A4GALT: variants seen among roughly 807,000 people sequenced by gnomAD.
The protein encoded by A4GALT is alpha 1,4-galactosyltransferase (P1PK blood group).
For missense variants in A4GALT, 512 were observed against 486.0 expected (o/e 1.05, Z -0.50); for synonymous variants, 257 against 220.7 (o/e 1.16, Z -1.46).
At chr22:42,716,145 T>G (rs1222261982) in intron 1 of A4GALT, among the ~76,000 whole-genome samples, 1 of 152,048 alleles carries the variant, frequency 6.6e-6, no homozygotes, top group Non-Finnish European at 1.5e-5. Context: ...GAAATATAAT[T>G]TAAATCTTCA....
At chr22:42,710,342 A>G (rs904778397) in intron 1 of A4GALT, among the ~76,000 whole-genome samples, 1 of 152,182 alleles carries the variant, frequency 6.6e-6, no homozygotes, top group African/African-American at 2.4e-5. Context: ...GGGAAAAGAG[A>G]AGACCCCGCT....
In A4GALT at chr22:42,715,193, A is replaced by T. The variant is rs925233952; in HGVS notation, c.-188+5604T>A. Among the ~76,000 whole-genome samples, 2 of 152,126 alleles carry T rather than the reference A, an allele frequency of 1.3e-5. 1 individual carries two copies. Among genetic ancestry groups the T allele is most frequent in the South Asian group, 4.1e-4 (2 of 4,820 alleles). The stretch of plus-strand genomic sequence containing the variant: ...CGTCTTAGAGATCTAAGAGAGCAAT[A>T]CAGCTTCATACCATAAATTCCAAGG... On this transcript the variant is annotated intron_variant, in intron 1 of 2. Coordinates refer to ENST00000642412, the MANE Select transcript of A4GALT (RefSeq NM_017436.7).
intron 1 of A4GALT, among the ~76,000 whole-genome samples, chr22:42,711,331 G>A (rs1921674251): frequency 6.6e-6 from 1 of 152,140 alleles, no homozygotes; most frequent in Non-Finnish European, 1.5e-5. Context: ...TGAGCAAACA[G>A]GCATGCTCAT....
In A4GALT at chr22:42,704,276, T is replaced by C. The variant is rs371376990; in HGVS notation, c.-187-8645A>G. Among the ~76,000 whole-genome samples the C allele has an allele frequency of 1.9e-4, 29 of 151,198 alleles. 1 individual carries two copies. In the South Asian group the frequency reaches 5.1e-3, roughly 26 times the overall value. On this transcript the variant is annotated intron_variant, in intron 1 of 2. Transcript: ENST00000642412. Reference sequence around the variant, plus strand: ...GGTGGGCAAATCATGAGGTCAGGAGTTCAAGACTAGCCTGCCCAATATGGT... The same window carrying C: ...GGTGGGCAAATCATGAGGTCAGGAGCTCAAGACTAGCCTGCCCAATATGGT...
At chr22:42,696,004 T>G (rs1366052558) in intron 1 of A4GALT, among the ~76,000 whole-genome samples, 1 of 150,746 alleles carries the variant, frequency 6.6e-6, no homozygotes, top group African/African-American at 2.5e-5. Flanking sequence ...GCGCCTGTAA[T>G]CCCAGCTACT....
rs747803491 is a variant in A4GALT at position 42,693,093 on chromosome 22, TG to T, written c.858del (p.Ile287SerfsTer63). 6.2e-7 allele frequency: 1 copy of T among 1,612,716 alleles called. No individual in the cohort carries two copies. Among genetic ancestry groups the T allele is most frequent in the Non-Finnish European group, 8.5e-7 (1 of 1,179,640 alleles). ...VTTLPPEAFY[P>X]IPWQDWKKYF... The stretch of plus-strand genomic sequence containing the variant: ...TACTTCTTCCAGTCCTGCCAGGGGA[TG>T]GGGTAGAAGGCCTCAGGGGGCAGGG... On this transcript the variant is annotated frameshift_variant, in exon 3 of 3. Coordinates refer to ENST00000642412, the MANE Select transcript of A4GALT (RefSeq NM_017436.7). LOFTEE classifies it high-confidence loss of function.
chr22:42,713,838 A>G (rs2147037714), intron 1 of A4GALT, among the ~76,000 whole-genome samples: 1 of 149,472 alleles, frequency 6.7e-6, no homozygotes, highest in African/African-American at 2.5e-5. Context: ...AAAGACAGAC[A>G]GACAGACAGA....
At chr22:42,711,024 C>CAAAAAA (rs34155225) in intron 1 of A4GALT, among the ~76,000 whole-genome samples, 1 of 141,758 alleles carries the variant, frequency 7.1e-6, no homozygotes. Context: ...GACTCTGTCT[C>CAAAAAA]AAAAAAAAAA....
At chr22:42,713,778 C>T (rs1921898863) in intron 1 of A4GALT, among the ~76,000 whole-genome samples, 2 of 146,906 alleles carry the variant, frequency 1.4e-5, no homozygotes, top group Non-Finnish European at 3.0e-5. Flanking sequence ...TGCCATTGCA[C>T]TCCAGCCTGG....
chr22:42,706,808 T>A (rs1453933952), intron 1 of A4GALT, among the ~76,000 whole-genome samples: 2 of 147,560 alleles, frequency 1.4e-5, no homozygotes, highest in Admixed American at 6.8e-5. Flanking sequence ...AAAAAAAAAA[T>A]TAAAAAAAGA....
At position 42,693,225 on chromosome 22, in the gene A4GALT, C is replaced by G. The variant is rs1448335487; in HGVS notation, c.727G>C (p.Gly243Arg). Residue 243 changes from glycine to arginine, a missense_variant, in exon 3 of 3, where the codon GGC becomes CGC. By Grantham distance (125) the Gly-to-Arg change is moderately radical (BLOSUM62 -2). Coordinates refer to ENST00000642412, the MANE Select transcript of A4GALT (RefSeq NM_017436.7). ...CMRDFVDHYN[G>R]WIWGHQGPQL... ...GGGCCCTGGTGACCCCAGATCCAGC[C>G]GTTGTAGTGGTCCACGAAGTCCCGC... 3 of 1,608,456 alleles carry G rather than the reference C, an allele frequency of 1.9e-6. No homozygotes were observed. Among genetic ancestry groups the G allele is most frequent in the Non-Finnish European group, 2.5e-6 (3 of 1,178,180 alleles).
chr22:42,707,421 C>A (rs1470918073), intron 1 of A4GALT, among the ~76,000 whole-genome samples: 3 of 151,484 alleles, frequency 2.0e-5, no homozygotes, highest in African/African-American at 7.3e-5. Context: ...TTTGAGAGGC[C>A]GAGGCAGTCG....
Position 42,706,121 on chromosome 22 carries a change from C to A in A4GALT, c.-187-10490G>T, listed in dbSNP as rs1213581436. 1.9e-5 allele frequency among the ~76,000 whole-genome samples: 2 copies of A among 105,008 alleles called. 1 individual carries two copies. The highest frequency in any genetic ancestry group is 4.4e-5 in the Non-Finnish European group (2 of 45,042). The allele number at this position is 105,008 out of a possible 152,430, so 68.9% of individuals were successfully genotyped here. The stretch of plus-strand genomic sequence containing the variant: ...CTGTAATCTCAGCACTTTGGGAGGC[C>A]AAGGCGGGCGGATCACGAGGTCAGG... On this transcript the variant is annotated intron_variant, in intron 1 of 2. Transcript: ENST00000642412.
intron 1 of A4GALT, among the ~76,000 whole-genome samples, chr22:42,705,071 T>A (rs1486418128): frequency 6.6e-6 from 1 of 152,122 alleles, no homozygotes; most frequent in Non-Finnish European, 1.5e-5. Flanking sequence ...AGAAAGGCCA[T>A]ACTTTAAAAA....
At chr22:42,720,094 G>C (rs1405111148) in intron 1 of A4GALT, among the ~76,000 whole-genome samples, 1 of 152,192 alleles carries the variant, frequency 6.6e-6, no homozygotes, top group Non-Finnish European at 1.5e-5. Context: ...CCCAAGCCCA[G>C]TTCCGCTCCC....
In A4GALT at chr22:42,693,141, G is replaced by T. The variant is rs745485742; in HGVS notation, c.811C>A (p.Arg271Ser). The change falls in exon 3 of 3, where the codon CGC becomes AGC. Residue 271 changes from arginine to serine, a missense_variant. Arg to Ser is a moderately radical substitution (Grantham distance 110, BLOSUM62 -1). Transcript: ENST00000642412. ...WCSIRSLAES[R>S]ACRGVTTLPP... The stretch of plus-strand genomic sequence containing the variant: ...AGGGTGGTGACGCCGCGGCAGGCGC[G>T]GCTCTCGGCCAGGCTGCGGATGGAA... The T allele has an allele frequency of 1.9e-6, 3 of 1,603,070 alleles. No individual in the cohort carries two copies. In the Admixed American group the frequency reaches 5.2e-5, roughly 28 times the overall value.
Position 42,706,172 on chromosome 22 carries a change from G to C in A4GALT, c.-187-10541C>G, listed in dbSNP as rs371795011. Reference sequence around the variant, plus strand: ...AGATCGAGACCATCCTGGCTAACACGGTGAAACCCCGTCTCTACTAAAAAT... The same window carrying C: ...AGATCGAGACCATCCTGGCTAACACCGTGAAACCCCGTCTCTACTAAAAAT... On this transcript the variant is annotated intron_variant, in intron 1 of 2. Coordinates refer to ENST00000642412, the MANE Select transcript of A4GALT (RefSeq NM_017436.7). Among the ~76,000 whole-genome samples the C allele has an allele frequency of 2.6e-4, 33 of 129,092 alleles. 8 individuals are homozygous for C. Among genetic ancestry groups the C allele is most frequent in the East Asian group, 4.3e-4 (2 of 4,626 alleles). The allele number at this position is 129,092 out of a possible 152,430, so 84.7% of individuals were successfully genotyped here. A position where few individuals can be genotyped will look rare whatever the true frequency, so the allele number is the denominator to read the frequency against.
intron 1 of A4GALT, among the ~76,000 whole-genome samples, chr22:42,706,049 C>CA (rs763747325): frequency 0.048 from 1,180 of 24,410 alleles, 108 homozygotes; most frequent in African/African-American, 0.11. Context: ...GACTACATCT[C>CA]AAAAAAAAAA....
At chr22:42,704,886 G>C (rs1276870241) in intron 1 of A4GALT, among the ~76,000 whole-genome samples, 2 of 139,986 alleles carry the variant, frequency 1.4e-5, no homozygotes, top group Non-Finnish European at 3.1e-5. Context: ...GGGCGGGGGG[G>C]GGCGGCGGAG....
Sources: gnomAD v4.1 joint callset for allele counts (sites outside exome capture counted in the v4.1 genomes callset) on GRCh38, gnomAD v4.1.1 for gene constraint, MANE v1.5 for transcripts, NCBI Gene and HGNC (gene_info 2026-07-23, HGNC 2026-07-21) for gene names.